PDS5B: variants seen among roughly 807,000 people sequenced by gnomAD.
PDS5B encodes PDS5 cohesin associated factor B.
A neutral mutation model predicts 184.1 loss-of-function variants in PDS5B; 51 were observed. The observed-to-expected ratio is 0.28, with a 90% CI of 0.22 to 0.35. PDS5B has a LOEUF of 0.35. PDS5B is among the 10% of genes least tolerant of loss of function. The probability of loss-of-function intolerance (pLI) is 1.00; values close to 1 mark genes in which losing one functional copy is unlikely to be tolerated. For synonymous variants in PDS5B, 566 were observed against 569.2 expected (o/e 0.99, Z 0.08); for missense variants, 1,180 against 1,723.3 (o/e 0.68, Z 5.58).
chr13:32,722,183 C>T (rs1014853353), intron 19 of PDS5B, among the ~76,000 whole-genome samples: 4 of 152,220 alleles, frequency 2.6e-5, no homozygotes, highest in South Asian at 2.1e-4. Flanking sequence ...GGCGAAACCC[C>T]GTCTCCACCA....
At chr13:32,714,873 A>T (rs970249602) in intron 19 of PDS5B, among the ~76,000 whole-genome samples, 5 of 152,196 alleles carry the variant, frequency 3.3e-5, no homozygotes, top group Non-Finnish European at 5.9e-5. Context: ...AGCTGACAGG[A>T]TTAAGAGATT....
intron 19 of PDS5B, among the ~76,000 whole-genome samples, chr13:32,721,687 G>T (rs1463829940): frequency 6.6e-6 from 1 of 151,216 alleles, no homozygotes; most frequent in African/African-American, 2.4e-5. Context: ...ATAGTGGGCG[G>T]CCAGGCAGAG....
intron 6 of PDS5B, among the ~76,000 whole-genome samples, chr13:32,663,002 C>T (rs1329004797): frequency 6.6e-6 from 1 of 151,966 alleles, no homozygotes; most frequent in Non-Finnish European, 1.5e-5. Context: ...AAAATATAAC[C>T]TGGCAAATTT....
chr13:32,611,583 C>T (rs1229251860), intron 1 of PDS5B, among the ~76,000 whole-genome samples: 6 of 148,276 alleles, frequency 4.0e-5, no homozygotes, highest in African/African-American at 1.5e-4. Flanking sequence ...TCTTGGCTCA[C>T]TGCAGCCTCT....
intron 23 of PDS5B, among the ~76,000 whole-genome samples, chr13:32,745,752 G>A (rs1953719859): frequency 6.6e-6 from 1 of 151,912 alleles, no homozygotes; most frequent in Non-Finnish European, 1.5e-5. Context: ...CATTCATGAG[G>A]GTTTCCCACA....
intron 3 of PDS5B, among the ~76,000 whole-genome samples, chr13:32,656,328 G>T (rs1593351736): frequency 1.4e-5 from 1 of 70,024 alleles, no homozygotes; most frequent in Non-Finnish European, 2.7e-5. Flanking sequence ...GGTCCCTTTT[G>T]ATTCCATAGA....
At chr13:32,701,526 T>A in intron 17 of PDS5B, 88 bp downstream of exon 17, 2 of 732,224 alleles carry the variant, frequency 2.7e-6, no homozygotes, top group Middle Eastern at 2.5e-4. Context: ...CTGCTATATC[T>A]AGCTACACAT....
At chr13:32,655,819 T>A (rs1950499777) in intron 3 of PDS5B, among the ~76,000 whole-genome samples, 1 of 152,198 alleles carries the variant, frequency 6.6e-6, no homozygotes, top group South Asian at 2.1e-4. Context: ...TGCAGAAGCT[T>A]TTTAGTTTAA....
intron 21 of PDS5B, 127 bp from the exon 22 acceptor site, chr13:32,740,953 T>C (rs1953520992): frequency 1.6e-6 from 1 of 622,108 alleles, no homozygotes. Flanking sequence ...TGAAGTACTT[T>C]AGTCATATAT....
intron 1 of PDS5B, among the ~76,000 whole-genome samples, chr13:32,592,235 G>T (rs2057787194): frequency 6.6e-6 from 1 of 152,122 alleles, no homozygotes; most frequent in Admixed American, 6.6e-5. Context: ...ATGCCCCAGA[G>T]ATGAGGTGTG....
intron 1 of PDS5B, among the ~76,000 whole-genome samples, chr13:32,605,409 C>T (rs208423): frequency 0.68 from 103,822 of 152,064 alleles, 36,086 homozygotes; most frequent in African/African-American, 0.82. Context: ...TCCTGAGTTC[C>T]AGCTTGATTG....
Position 32,775,431 on chromosome 13 carries a change from G to T in PDS5B, c.*379G>T. On this transcript the variant is annotated 3_prime_UTR_variant, in exon 35 of 35. Transcript: ENST00000315596. ...CTATTGATTTGAAAAGAATTTGTTAGGATAGATCTTAAGCAGTAATCTGTC... is the reference window on the plus strand; with the variant it reads ...CTATTGATTTGAAAAGAATTTGTTATGATAGATCTTAAGCAGTAATCTGTC... The T allele has an allele frequency of 3.1e-6, 1 of 318,992 alleles. No individual in the cohort carries two copies. Among genetic ancestry groups the T allele is most frequent in the Non-Finnish European group, 6.1e-6 (1 of 164,644 alleles). 19.8% of individuals were successfully genotyped at this position (318,992 alleles called of 1,614,324 possible).
intron 19 of PDS5B, among the ~76,000 whole-genome samples, chr13:32,724,050 A>C (rs1461462274): frequency 1.3e-5 from 2 of 152,212 alleles, no homozygotes; most frequent in Admixed American, 6.5e-5. Context: ...TTTCATCTGT[A>C]TATCTTTATC....
chr13:32,741,135 A>G lies in PDS5B; in HGVS notation c.2462A>G (p.Glu821Gly). 1 of 1,555,948 alleles carries G rather than the reference A, an allele frequency of 6.4e-7. No individual in the cohort carries two copies. The highest frequency in any genetic ancestry group is 8.8e-7 in the Non-Finnish European group (1 of 1,131,836). ...LWVPDEEVSP[E>G]TMVKIQAIKM... ...GTTCCAGATGAAGAAGTATCTCCTG[A>G]GACAATGGTCAAAGTGAGTAATGTG... is the stretch of plus-strand genomic sequence containing the variant. Residue 821 changes from glutamate to glycine, a missense_variant, in exon 22 of 35, where the codon GAG becomes GGG. Around this residue, in one of 11 missense-constraint regions of PDS5B, gnomAD observed 475 missense variants for 691.5 expected, o/e 0.69. Transcript: ENST00000315596.
intron 6 of PDS5B, among the ~76,000 whole-genome samples, chr13:32,663,656 A>C (rs1950710018): frequency 6.6e-6 from 1 of 152,218 alleles, no homozygotes; most frequent in Non-Finnish European, 1.5e-5. Flanking sequence ...ACATTGTAAA[A>C]ATACTGCTTC....
intron 1 of PDS5B, among the ~76,000 whole-genome samples, chr13:32,590,583 T>C (rs968301908): frequency 3.9e-5 from 6 of 152,224 alleles, no homozygotes; most frequent in East Asian, 1.9e-4. Flanking sequence ...GGGGCTCTTA[T>C]AACCAAGACC....
chr13:32,772,820 C>A (rs116579907), intron 33 of PDS5B, among the ~76,000 whole-genome samples: 2,715 of 152,174 alleles, frequency 0.018, 80 homozygotes, highest in African/African-American at 0.062. Context: ...GATTTGAGAT[C>A]TCCATAAGAA....
intron 30 of PDS5B, 87 bp downstream of exon 30, chr13:32,760,807 T>A: frequency 8.1e-7 from 1 of 1,235,792 alleles, no homozygotes; most frequent in Non-Finnish European, 1.1e-6. Context: ...AAATGTTTCA[T>A]GTCAGTAAAT....
At chr13:32,773,147 A>G in intron 33 of PDS5B, 42 bp from the exon 34 acceptor site, 1 of 1,535,162 alleles carries the variant, frequency 6.5e-7, no homozygotes, top group Non-Finnish European at 8.8e-7. Flanking sequence ...ATCTACTGAA[A>G]GATTGGAACG....
Sources: allele counts gnomAD v4.1 joint callset (sites outside exome capture counted in the v4.1 genomes callset), GRCh38; gene constraint gnomAD v4.1.1; regional missense constraint gnomAD v4.1.1; transcripts MANE v1.5; gene names NCBI Gene and HGNC (gene_info 2026-07-23, HGNC 2026-07-21).